The following ZFHX3 variants were observed in gnomAD, a reference collection of about 807,000 sequenced individuals.
ZFHX3 encodes the protein zinc finger homeobox protein 3.
ZFHX3 carries 42 observed loss-of-function variants against 279.1 expected under a neutral mutation model. The ratio of observed to expected loss-of-function variants is 0.15; its 90% CI spans 0.12 to 0.19. The LOEUF is 0.19. Ranked by LOEUF, ZFHX3 falls within the 10% of genes least tolerant of loss-of-function variation. The pLI is 1.00. For missense variants in ZFHX3, 4,981 were observed against 4,754.0 expected (o/e 1.05, Z -1.40); for synonymous variants, 2,293 against 1,957.8 (o/e 1.17, Z -4.52).
intron 5 of ZFHX3, among the ~76,000 whole-genome samples, chr16:73,161,754 T>G (rs1967240238): frequency 6.6e-6 from 1 of 152,152 alleles, no homozygotes; most frequent in African/African-American, 2.4e-5. Context: ...TTTAGGTTCA[T>G]AAAAATGTGA....
chr16:73,255,992 G>A (rs1253004592), intron 5 of ZFHX3, among the ~76,000 whole-genome samples: 1 of 152,164 alleles, frequency 6.6e-6, no homozygotes, highest in Non-Finnish European at 1.5e-5. Context: ...ATTTCACAGT[G>A]ATGACACCCT....
At chr16:73,546,641 T>C (rs1168948394) in intron 2 of ZFHX3, among the ~76,000 whole-genome samples, 1 of 151,672 alleles carries the variant, frequency 6.6e-6, no homozygotes, top group East Asian at 1.9e-4. Flanking sequence ...CTTTAAGCCA[T>C]GGTGTGAGAA....
intron 5 of ZFHX3, among the ~76,000 whole-genome samples, chr16:72,825,307 C>G (rs892035499): frequency 6.6e-6 from 1 of 152,196 alleles, no homozygotes; most frequent in African/African-American, 2.4e-5. Flanking sequence ...TATCGTGTTA[C>G]TATGATCACT....
At chr16:73,517,272 T>C (rs2019539385) in intron 2 of ZFHX3, among the ~76,000 whole-genome samples, 2 of 152,188 alleles carry the variant, frequency 1.3e-5, no homozygotes, top group Non-Finnish European at 2.9e-5. Flanking sequence ...TCTCTGCATT[T>C]TTCTACCTCT....
chr16:72,834,511 A>G (rs1339456029), intron 4 of ZFHX3, among the ~76,000 whole-genome samples: 1 of 152,320 alleles, frequency 6.6e-6, no homozygotes, highest in Middle Eastern at 3.4e-3. Context: ...TTTGCTGACC[A>G]CAAATGCAAA....
rs540426778 is a variant in ZFHX3 at position 73,213,042 on chromosome 16, G to T, written c.-1104+44005C>A. Among the ~76,000 whole-genome samples, 14 of 152,264 alleles carry T rather than the reference G, an allele frequency of 9.2e-5. No homozygotes were observed. In the South Asian group the frequency reaches 2.5e-3, roughly 27 times the overall value. ...TTTTGACTATTTCCGAGCTGGGATG[G>T]TTTCTGATCTGAAAGACAGAATGTG... On this transcript the variant is annotated intron_variant, in intron 5 of 17. Transcript: ENST00000641206.
Position 73,262,409 on chromosome 16 carries a change from GAAACT to G in ZFHX3, c.-1193-5278_-1193-5274del, listed in dbSNP as rs1459054270. ...CTGATGCCATGGCTTTTAGAGTCAG[GAAACT>G]TACACTGATAGTCCAACTCTGCCAC... On this transcript the variant is annotated intron_variant, in intron 4 of 17. Coordinates refer to the ZFHX3 transcript ENST00000641206. Among the ~76,000 whole-genome samples, 3 of 152,310 alleles carry G rather than the reference GAAACT, an allele frequency of 2.0e-5. No individual in the cohort carries two copies. In the East Asian group the frequency reaches 5.8e-4, roughly 29 times the overall value.
At chr16:73,595,661 G>C (rs570105369) in intron 2 of ZFHX3, among the ~76,000 whole-genome samples, 3 of 152,188 alleles carry the variant, frequency 2.0e-5, no homozygotes, top group South Asian at 2.1e-4. Context: ...AGATTATCTT[G>C]ACTGATACCC....
At chr16:73,141,988 C>G (rs1307421285) in intron 6 of ZFHX3, among the ~76,000 whole-genome samples, 4 of 152,228 alleles carry the variant, frequency 2.6e-5, no homozygotes, top group African/African-American at 7.2e-5. Flanking sequence ...CAACCAGCCC[C>G]TGTTGAGCAG....
intron 2 of ZFHX3, among the ~76,000 whole-genome samples, chr16:73,636,952 A>G (rs1424753121): frequency 2.0e-5 from 3 of 152,146 alleles, no homozygotes; most frequent in African/African-American, 7.2e-5. Context: ...GGTTTGCCAG[A>G]AATTTTGGGA....
exon 1 of ZFHX3, chr16:73,058,642 A>G (rs1965625963): frequency 4.5e-6 from 1 of 223,106 alleles, no homozygotes; most frequent in East Asian, 8.4e-5. Context: ...CGCGGAGCCC[A>G]TCAAGGCAGC....
intron 3 of ZFHX3, among the ~76,000 whole-genome samples, chr16:72,921,069 CAAAAAAAAAA>C (rs57294537): frequency 5.5e-4 from 13 of 23,572 alleles, no homozygotes; most frequent in Admixed American, 1.5e-3. Context: ...CAGACCTTGT[CAAAAAAAAAA>C]AAAAAAAAAA....
At chr16:73,360,070 A>G (rs1477511279) in intron 3 of ZFHX3, among the ~76,000 whole-genome samples, 1 of 152,164 alleles carries the variant, frequency 6.6e-6, no homozygotes, top group Non-Finnish European at 1.5e-5. Flanking sequence ...CTGAGTTATC[A>G]CTTATTAGTT....
At chr16:72,871,642 T>G (rs181755657) in intron 4 of ZFHX3, among the ~76,000 whole-genome samples, 25 of 149,318 alleles carry the variant, frequency 1.7e-4, no homozygotes, top group Admixed American at 1.3e-3. Context: ...ACCTGGCCTT[T>G]TTAAAAATAT....
intron 1 of ZFHX3, among the ~76,000 whole-genome samples, chr16:73,790,837 G>C (rs1959802943): frequency 6.6e-6 from 1 of 152,332 alleles, no homozygotes; most frequent in East Asian, 1.9e-4. Flanking sequence ...ACTCAAGTTT[G>C]CCTTGGCATC....
At chr16:72,929,914 C>T (rs1354983876) in intron 3 of ZFHX3, among the ~76,000 whole-genome samples, 1 of 152,182 alleles carries the variant, frequency 6.6e-6, no homozygotes, top group Non-Finnish European at 1.5e-5. Flanking sequence ...GGAAAAGAAA[C>T]GTTCACTTAA....
intron 2 of ZFHX3, among the ~76,000 whole-genome samples, chr16:73,486,369 C>T (rs537058796): frequency 6.6e-6 from 1 of 152,354 alleles, no homozygotes; most frequent in Non-Finnish European, 1.5e-5. Context: ...CAGGCCTGCT[C>T]CCACCCTGTG....
chr16:73,459,305 G>A (rs982868920), intron 2 of ZFHX3, among the ~76,000 whole-genome samples: 14 of 152,082 alleles, frequency 9.2e-5, no homozygotes, highest in African/African-American at 2.9e-4. Flanking sequence ...TTCATACTGC[G>A]ATAAAGAACT....
In ZFHX3 at chr16:72,796,669, C is replaced by T. The variant is rs368676441; in HGVS notation, c.6013G>A (p.Val2005Ile). 3.1e-6 allele frequency: 5 copies of T among 1,614,044 alleles called. No individual in the cohort carries two copies. Among genetic ancestry groups the T allele is most frequent in the Admixed American group, 1.7e-5 (1 of 60,018 alleles). ...TTGAAAGGAAAGTAATTCTGATGAA[C>T]GTGCTCTTGATGACTCTTTAAAATC... ...ILILKSHQEH[V>I]HQNYFPFKQL... The change falls in exon 9 of 10, where the codon GTT becomes ATT. Residue 2005 changes from valine to isoleucine, a missense_variant. Physicochemically the swap from Val to Ile is conservative, Grantham distance 29. Transcript: ENST00000268489.
Sources: gnomAD v4.1 joint callset for allele counts (sites outside exome capture counted in the v4.1 genomes callset) on GRCh38, gnomAD v4.1.1 for gene constraint, MANE v1.5 for transcripts, NCBI Gene and HGNC (gene_info 2026-07-23, HGNC 2026-07-21) for gene names.